Variants in ARHGAP44 observed in about 807,000 individuals in gnomAD.
The protein encoded by ARHGAP44 is rho GTPase-activating protein 44.
A neutral mutation model predicts 106.8 loss-of-function variants in ARHGAP44; 43 were observed. The observed-to-expected ratio is 0.40, with a 90% confidence interval of 0.32 to 0.52. The LOEUF (loss-of-function observed/expected upper bound fraction) is 0.52, where lower values mean the gene tolerates loss of function less well. Among genes scored for constraint, ARHGAP44 ranks in the 20% least tolerant of loss-of-function variants. The pLI, the probability that ARHGAP44 is intolerant of heterozygous loss-of-function variation, is 0.48. For missense variants in ARHGAP44, 866 were observed against 1,050.5 expected, an observed-to-expected ratio of 0.82 and a Z score of 2.43; for synonymous variants, 439 against 410.3, an observed-to-expected ratio of 1.07 and a Z score of -0.85.
intron 1 of ARHGAP44, among the ~76,000 whole-genome samples, chr17:12,838,656 C>T (rs1033019220): frequency 6.6e-6 from 1 of 152,086 alleles, no homozygotes; most frequent in African/African-American, 2.4e-5. Context: ...TTATTCACCC[C>T]CCACCCATCT....
intron 4 of ARHGAP44, among the ~76,000 whole-genome samples, chr17:12,910,445 C>CTT (rs1277946315): frequency 1.0e-4 from 3 of 30,054 alleles, no homozygotes; most frequent in African/African-American, 2.8e-4. Flanking sequence ...GCTTATGTAG[C>CTT]CTTTTTTTTT....
At chr17:12,886,421 A>G (rs2036883943) in intron 1 of ARHGAP44, among the ~76,000 whole-genome samples, 1 of 152,138 alleles carries the variant, frequency 6.6e-6, no homozygotes, top group African/African-American at 2.4e-5. Flanking sequence ...GGGAGAAGTG[A>G]TATCTTTGCC....
At chr17:12,852,783 C>T (rs748233827) in intron 1 of ARHGAP44, among the ~76,000 whole-genome samples, 3 of 152,044 alleles carry the variant, frequency 2.0e-5, no homozygotes, top group Non-Finnish European at 4.4e-5. Flanking sequence ...CCTTGTGATC[C>T]GCCCACCTCG....
intron 3 of ARHGAP44, among the ~76,000 whole-genome samples, chr17:12,897,788 C>T (rs942122610): frequency 4.3e-5 from 6 of 139,604 alleles, no homozygotes; most frequent in African/African-American, 1.1e-4. Flanking sequence ...GTTTTGGTAT[C>T]GGGAGTATCA....
At chr17:12,940,665 G>A (rs1016825751) in intron 7 of ARHGAP44, among the ~76,000 whole-genome samples, 1 of 152,158 alleles carries the variant, frequency 6.6e-6, no homozygotes, top group African/African-American at 2.4e-5. Flanking sequence ...GCAGACCAGT[G>A]GAATGATCAA....
chr17:12,883,954 G>T (rs1354355022), intron 1 of ARHGAP44, among the ~76,000 whole-genome samples: 1 of 151,980 alleles, frequency 6.6e-6, no homozygotes, highest in East Asian at 1.9e-4. Flanking sequence ...TTTTTATATT[G>T]TGTGATTCGT....
intron 5 of ARHGAP44, 134 bp from the exon 6 acceptor site, chr17:12,919,621 G>T: frequency 5.0e-6 from 3 of 601,442 alleles, no homozygotes; most frequent in Non-Finnish European, 8.4e-6. Context: ...CCTGACCTCA[G>T]GTGATCCACC....
intron 1 of ARHGAP44, among the ~76,000 whole-genome samples, chr17:12,837,228 A>G (rs2035263211): frequency 6.6e-6 from 1 of 152,230 alleles, no homozygotes; most frequent in African/African-American, 2.4e-5. Flanking sequence ...GAAAATGAAA[A>G]TACAATGTAT....
chr17:12,914,533 G>T (rs1640914851), intron 4 of ARHGAP44, among the ~76,000 whole-genome samples: 1 of 152,198 alleles, frequency 6.6e-6, no homozygotes, highest in Admixed American at 6.5e-5. Flanking sequence ...AAGCAAGGCT[G>T]CCTGTAGTCC....
intron 12 of ARHGAP44, among the ~76,000 whole-genome samples, chr17:12,951,213 A>G (rs1011088291): frequency 5.3e-5 from 8 of 152,152 alleles, no homozygotes; most frequent in Non-Finnish European, 8.8e-5. Context: ...TTTTAAGCTC[A>G]TTGTGTGTTT....
At chr17:12,861,877 C>T (rs544669588) in intron 1 of ARHGAP44, among the ~76,000 whole-genome samples, 1 of 152,042 alleles carries the variant, frequency 6.6e-6, no homozygotes, top group South Asian at 2.1e-4. Flanking sequence ...CCAAATGATC[C>T]ACTCGCCTCA....
At chr17:12,830,255 C>G (rs2035045429) in intron 1 of ARHGAP44, among the ~76,000 whole-genome samples, 1 of 152,050 alleles carries the variant, frequency 6.6e-6, no homozygotes, top group South Asian at 2.1e-4. Flanking sequence ...TTAAGATGCT[C>G]CGTTGAGAAA....
intron 1 of ARHGAP44, among the ~76,000 whole-genome samples, chr17:12,849,214 C>CGTGTGT (rs112920406): frequency 0.075 from 11,167 of 149,222 alleles, 509 homozygotes; most frequent in East Asian, 0.13. Context: ...CTGAGGTGGG[C>CGTGTGT]GTGTGTGTGT....
At chr17:12,867,158 A>G (rs2036258959) in intron 1 of ARHGAP44, among the ~76,000 whole-genome samples, 1 of 151,510 alleles carries the variant, frequency 6.6e-6, no homozygotes, top group South Asian at 2.1e-4. Context: ...AGGAAACATG[A>G]CAGGTCACAG....
At chr17:12,938,993 T>A (rs1035336674) in intron 7 of ARHGAP44, among the ~76,000 whole-genome samples, 4 of 152,222 alleles carry the variant, frequency 2.6e-5, no homozygotes, top group Non-Finnish European at 4.4e-5. Context: ...CCTTCTTTCC[T>A]TTCCTCTGTC....
At chr17:12,968,141 T>A (rs1259764296) in intron 16 of ARHGAP44, among the ~76,000 whole-genome samples, 1 of 152,204 alleles carries the variant, frequency 6.6e-6, no homozygotes, top group Non-Finnish European at 1.5e-5. Flanking sequence ...ATCCTCATGT[T>A]TTTAAGGGGG....
At chr17:12,848,916 C>T (rs1375888449) in intron 1 of ARHGAP44, among the ~76,000 whole-genome samples, 1 of 151,912 alleles carries the variant, frequency 6.6e-6, no homozygotes, top group African/African-American at 2.4e-5. Flanking sequence ...GGCGTGGTGG[C>T]GCATGCCTGT....
At chr17:12,800,954 G>A (rs1258417045) in intron 1 of ARHGAP44, among the ~76,000 whole-genome samples, 3 of 152,136 alleles carry the variant, frequency 2.0e-5, no homozygotes, top group East Asian at 3.8e-4. Flanking sequence ...AAAATGTCAC[G>A]TTCATTTAAG....
intron 1 of ARHGAP44, among the ~76,000 whole-genome samples, chr17:12,800,312 G>T: frequency 6.6e-6 from 1 of 152,222 alleles, no homozygotes; most frequent in African/African-American, 2.4e-5. Flanking sequence ...ATCAGTAATT[G>T]TAATGGCTTC....
Sources: gnomAD v4.1 joint callset for allele counts (sites outside exome capture counted in the v4.1 genomes callset) on GRCh38, gnomAD v4.1.1 for gene constraint, MANE v1.5 for transcripts, NCBI Gene and HGNC (gene_info 2026-07-23, HGNC 2026-07-21) for gene names.